Variants in COL14A1 observed in about 807,000 individuals in gnomAD.
COL14A1 encodes collagen alpha-1(XIV) chain.
A neutral mutation model predicts 230.3 loss-of-function variants in COL14A1; 136 were observed. That is an observed-to-expected ratio of 0.59 (90% confidence interval 0.51 to 0.68). COL14A1 has a LOEUF of 0.68. Among genes scored for constraint, COL14A1 ranks in the 30% least tolerant of loss-of-function variants. COL14A1 has a pLI of 0.00. For synonymous variants in COL14A1, 792 were observed against 784.1 expected, an observed-to-expected ratio of 1.01 and a Z score of -0.17; for missense variants, 1,976 against 2,215.8, an observed-to-expected ratio of 0.89 and a Z score of 2.17.
intron 26 of COL14A1, among the ~76,000 whole-genome samples, chr8:120,271,266 G>T (rs1206175792): frequency 6.6e-6 from 1 of 151,444 alleles, no homozygotes; most frequent in East Asian, 1.9e-4. Flanking sequence ...AAAATTACCT[G>T]TCAGGTAACA....
At chr8:120,131,225 G>A (rs1053494397) in intron 1 of COL14A1, among the ~76,000 whole-genome samples, 8 of 152,128 alleles carry the variant, frequency 5.3e-5, no homozygotes, top group South Asian at 2.1e-4. Flanking sequence ...ATTCCTTTGC[G>A]TATATATCCA....
rs1245027680 is a variant in COL14A1 at position 120,372,386 on chromosome 8, G to A, written c.*1155G>A. 6.6e-6 allele frequency among the ~76,000 whole-genome samples: 1 copy of A among 152,200 alleles called. No individual in the cohort carries two copies. Among genetic ancestry groups the A allele is most frequent in the East Asian group, 1.9e-4 (1 of 5,200 alleles). On this transcript the variant is annotated 3_prime_UTR_variant, in exon 48 of 48. Coordinates refer to ENST00000297848, the MANE Select transcript of COL14A1 (RefSeq NM_021110.4). ...AAAGCCTAAAAACCCCTAGAAGGCA[G>A]AGCAGAAATGAGGTTGAATCTAATA...
chr8:120,218,548 A>G (rs7387094), intron 14 of COL14A1, among the ~76,000 whole-genome samples: 82,831 of 151,844 alleles, frequency 0.55, 23,356 homozygotes, highest in African/African-American at 0.67. Context: ...GACCTCAGGC[A>G]ATCCGCCCGC....
Position 120,371,269 on chromosome 8 carries a change from T to G in COL14A1, c.*38T>G. 6.7e-7 allele frequency: 1 copy of G among 1,502,592 alleles called. No homozygotes were observed. Among genetic ancestry groups the G allele is most frequent in the East Asian group, 2.3e-5 (1 of 43,582 alleles). 93.1% of individuals were successfully genotyped at this position (1,502,592 alleles called of 1,614,324 possible). A position where few individuals can be genotyped will look rare whatever the true frequency, so the allele number is the denominator to read the frequency against. On this transcript the variant is annotated 3_prime_UTR_variant, in exon 48 of 48. Coordinates refer to ENST00000297848, the MANE Select transcript of COL14A1 (RefSeq NM_021110.4). ...AAATTTGAAGACCAACTGCAAGAAC[T>G]CTTAAGGAATCTTGTTTGAGAAAAT...
At chr8:120,150,566 T>C (rs560779926) in intron 2 of COL14A1, among the ~76,000 whole-genome samples, 1 of 152,340 alleles carries the variant, frequency 6.6e-6, no homozygotes, top group South Asian at 2.1e-4. Flanking sequence ...TTACTGCTTC[T>C]ATATCTTTGC....
At chr8:120,326,361 C>T (rs1482825527) in intron 40 of COL14A1, among the ~76,000 whole-genome samples, 1 of 152,194 alleles carries the variant, frequency 6.6e-6, no homozygotes, top group African/African-American at 2.4e-5. Flanking sequence ...TGACTATCCT[C>T]AAAACTGTAA....
intron 1 of COL14A1, among the ~76,000 whole-genome samples, chr8:120,136,472 A>T (rs1814710625): frequency 6.6e-6 from 1 of 152,116 alleles, no homozygotes; most frequent in African/African-American, 2.4e-5. Context: ...GAAGAAACAT[A>T]CTAAACATGC....
intron 36 of COL14A1, among the ~76,000 whole-genome samples, chr8:120,302,328 A>C (rs1233192812): frequency 2.8e-5 from 1 of 35,698 alleles, no homozygotes; most frequent in Non-Finnish European, 4.6e-5. Context: ...CTATGTCCTG[A>C]AAATGGTATT....
intron 34 of COL14A1, among the ~76,000 whole-genome samples, chr8:120,295,872 T>A (rs377321664): frequency 3.4e-3 from 523 of 152,014 alleles, no homozygotes; most frequent in Middle Eastern, 0.014. Flanking sequence ...ACTCAGTCTG[T>A]CAGTGGAAGA....
At chr8:120,318,774 G>A (rs79453606) in intron 40 of COL14A1, among the ~76,000 whole-genome samples, 9 of 152,242 alleles carry the variant, frequency 5.9e-5, no homozygotes, top group Admixed American at 1.3e-4. Context: ...AATAACAACC[G>A]TGGCATAGAA....
chr8:120,282,266 G>T (rs1179649359), intron 31 of COL14A1, among the ~76,000 whole-genome samples: 1 of 152,088 alleles, frequency 6.6e-6, no homozygotes, highest in African/African-American at 2.4e-5. Flanking sequence ...TCTATCTCTG[G>T]ATCCCCAGCA....
At position 120,298,627 on chromosome 8, in the gene COL14A1, A is replaced by ATATG. The variant is rs1820608412; in HGVS notation, c.4314+1042_4314+1043insGTAT. Among the ~76,000 whole-genome samples, 5 of 124,750 alleles carry ATATG rather than the reference A, an allele frequency of 4.0e-5. No individual in the cohort carries two copies. The South Asian group carries it at 1.3e-3, about 32-fold the overall frequency. 81.8% of individuals were successfully genotyped at this position (124,750 alleles called of 152,430 possible). The stretch of plus-strand genomic sequence containing the variant: ...TATATATATATATATATATATATAT[A>ATATG]TATATATATATACAAAAATACAGAT... On this transcript the variant is annotated intron_variant, in intron 35 of 47. Transcript: ENST00000297848.
chr8:120,307,026 A>G (rs1324843135), intron 36 of COL14A1, among the ~76,000 whole-genome samples: 2 of 152,204 alleles, frequency 1.3e-5, no homozygotes, highest in East Asian at 3.8e-4. Context: ...TGTTTGCTCA[A>G]TAGAAGATTT....
chr8:120,270,551 T>C (rs1213071777), intron 26 of COL14A1, among the ~76,000 whole-genome samples: 1 of 151,782 alleles, frequency 6.6e-6, no homozygotes, highest in Non-Finnish European at 1.5e-5. Flanking sequence ...ATGTGGAACA[T>C]GAAACTAACT....
At chr8:120,151,692 C>T (rs1373537829) in intron 2 of COL14A1, among the ~76,000 whole-genome samples, 5 of 147,396 alleles carry the variant, frequency 3.4e-5, no homozygotes, top group Admixed American at 6.8e-5. Flanking sequence ...GAATAATGTA[C>T]CTGCAAAGAT....
Position 120,185,079 on chromosome 8 carries a change from C to T in COL14A1, c.437-11712C>T, listed in dbSNP as rs573789459. 2.0e-4 allele frequency among the ~76,000 whole-genome samples: 31 copies of T among 152,232 alleles called. No individual in the cohort carries two copies. In the South Asian group the frequency reaches 5.4e-3, roughly 26 times the overall value. On this transcript the variant is annotated intron_variant, in intron 5 of 47. Transcript: ENST00000297848. ...AAACAGGGATAAAAGGAGTGAGTCA[C>T]GGGAGTGCTGTTTTAGATAGGGCAG...
At chr8:120,197,027 C>A (rs1032594591) in intron 6 of COL14A1, 81 bp downstream of exon 6, 1 of 1,390,856 alleles carries the variant, frequency 7.2e-7, no homozygotes, top group Non-Finnish European at 9.9e-7. Flanking sequence ...TTCAAAAATT[C>A]CTTACAAAGT....
chr8:120,147,678 C>T (rs1222384670), intron 1 of COL14A1, 128 bp from the exon 2 acceptor site: 5 of 525,250 alleles, frequency 9.5e-6, no homozygotes, highest in Admixed American at 3.6e-5. Flanking sequence ...GTGAAATGCA[C>T]GATGCTCTAG....
intron 45 of COL14A1, among the ~76,000 whole-genome samples, chr8:120,355,380 T>C (rs907468623): frequency 5.9e-5 from 9 of 152,062 alleles, no homozygotes; most frequent in Non-Finnish European, 1.2e-4. Flanking sequence ...TTGAAAAGAA[T>C]TAGAAAATTC....
Sources: allele counts gnomAD v4.1 joint callset (sites outside exome capture counted in the v4.1 genomes callset), GRCh38; gene constraint gnomAD v4.1.1; transcripts MANE v1.5; gene names NCBI Gene and HGNC (gene_info 2026-07-23, HGNC 2026-07-21).